Variants in THRB observed in about 807,000 individuals in gnomAD.
THRB encodes thyroid hormone receptor beta.
Under a neutral mutation model 47.8 loss-of-function variants are expected in THRB, and 12 were observed. That is an observed-to-expected ratio of 0.25 (90% CI 0.16 to 0.41). The LOEUF is 0.41. THRB is among the 10% of genes least tolerant of loss of function. THRB has a pLI of 1.00. For synonymous variants in THRB, 218 were observed against 212.2 expected (o/e 1.03, Z -0.24); for missense variants, 348 against 589.2 (o/e 0.59, Z 4.24).
In THRB at chr3:24,367,883, T is replaced by C. The variant is rs143543467; in HGVS notation, c.-260-30512A>G. On this transcript the variant is annotated intron_variant, in intron 1 of 10. Coordinates refer to ENST00000646209, the MANE Select transcript of THRB (RefSeq NM_001354712.2). ...ATTGCCATGGGGACAAATGTTGAAC[T>C]AACATTGTGATGAGAAGCCTAAGCC... 9.3e-3 allele frequency among the ~76,000 whole-genome samples: 1,420 copies of C among 152,232 alleles called. 26 individuals are homozygous for C. The highest frequency in any genetic ancestry group is 0.033 in the African/African-American group (1,354 of 41,534).
intron 5 of THRB, among the ~76,000 whole-genome samples, chr3:24,152,969 AAAAAGAAAG>A (rs200265637): frequency 0.23 from 15,645 of 67,324 alleles, 965 homozygotes; most frequent in Admixed American, 0.38. Flanking sequence ...CCAAAAAAAA[AAAAAGAAAG>A]AAAGAAAGAA....
At chr3:24,290,612 C>G (rs1195091178) in intron 3 of THRB, among the ~76,000 whole-genome samples, 1 of 152,092 alleles carries the variant, frequency 6.6e-6, no homozygotes, top group Non-Finnish European at 1.5e-5. Context: ...ACACGATGCA[C>G]AATCAAGTGG....
chr3:24,350,756 G>T (rs551647499), intron 1 of THRB, among the ~76,000 whole-genome samples: 1 of 152,222 alleles, frequency 6.6e-6, no homozygotes, highest in African/African-American at 2.4e-5. Flanking sequence ...GTGAAAATTT[G>T]TTAAGCTGTA....
At chr3:24,376,454 T>C (rs2065292782) in intron 1 of THRB, among the ~76,000 whole-genome samples, 1 of 152,156 alleles carries the variant, frequency 6.6e-6, no homozygotes, top group South Asian at 2.1e-4. Context: ...AAAAGAACTC[T>C]AGAAACATGT....
At chr3:24,238,304 T>TGTATGTGTGG (rs2049124460) in intron 3 of THRB, among the ~76,000 whole-genome samples, 1 of 111,832 alleles carries the variant, frequency 8.9e-6, no homozygotes, top group Non-Finnish European at 1.8e-5. Flanking sequence ...GTGTGGGGTG[T>TGTATGTGTGG]GTGTGTGATG....
At chr3:24,494,941 G>C (rs1698821409), upstream of THRB, 1 of 152,380 alleles carries the variant, frequency 6.6e-6, no homozygotes, top group African/African-American at 2.4e-5. Flanking sequence ...ACTGGGCGTC[G>C]CGCGAGTCCT....
intron 4 of THRB, among the ~76,000 whole-genome samples, chr3:24,195,233 G>A (rs909386818): frequency 6.6e-6 from 1 of 152,156 alleles, no homozygotes; most frequent in South Asian, 2.1e-4. Flanking sequence ...GCCAGGAACT[G>A]AGCTAGACAC....
At chr3:24,313,291 G>A (rs1271217466) in intron 2 of THRB, among the ~76,000 whole-genome samples, 2 of 152,130 alleles carry the variant, frequency 1.3e-5, no homozygotes, top group Non-Finnish European at 2.9e-5. Flanking sequence ...AGTATGTGCT[G>A]AACTCCTCAA....
At chr3:24,394,738 T>G (rs1215689304) in intron 1 of THRB, among the ~76,000 whole-genome samples, 1 of 152,086 alleles carries the variant, frequency 6.6e-6, no homozygotes, top group Non-Finnish European at 1.5e-5. Context: ...GTAGTTTAAA[T>G]GTATTTGTGT....
intron 3 of THRB, among the ~76,000 whole-genome samples, chr3:24,247,140 T>C (rs1323850952): frequency 2.6e-5 from 4 of 152,232 alleles, no homozygotes; most frequent in African/African-American, 9.6e-5. Context: ...AAAGAGTTTC[T>C]ATTTGTTGTG....
At chr3:24,302,542 C>T (rs2149109048) in intron 2 of THRB, among the ~76,000 whole-genome samples, 1 of 152,330 alleles carries the variant, frequency 6.6e-6, no homozygotes, top group South Asian at 2.1e-4. Context: ...TCTTCCTGAA[C>T]TGGAATGTGC....
intron 1 of THRB, among the ~76,000 whole-genome samples, chr3:24,375,928 T>C (rs1327375110): frequency 1.3e-5 from 2 of 152,116 alleles, no homozygotes; most frequent in African/African-American, 2.4e-5. Flanking sequence ...TACAGAAATA[T>C]AGACAAATTA....
At chr3:24,353,750 A>C (rs1308609249) in intron 1 of THRB, among the ~76,000 whole-genome samples, 1 of 152,176 alleles carries the variant, frequency 6.6e-6, no homozygotes, top group Non-Finnish European at 1.5e-5. Context: ...TTGTATTAAT[A>C]AGCCCCTTAA....
At chr3:24,356,586 C>G (rs1015848295) in intron 1 of THRB, among the ~76,000 whole-genome samples, 7 of 152,110 alleles carry the variant, frequency 4.6e-5, no homozygotes, top group Admixed American at 1.3e-4. Flanking sequence ...GCTAAGACCC[C>G]ACTAGAACTG....
At chr3:24,344,223 A>G (rs1322781365) in intron 1 of THRB, among the ~76,000 whole-genome samples, 2 of 152,064 alleles carry the variant, frequency 1.3e-5, no homozygotes, top group Non-Finnish European at 2.9e-5. Flanking sequence ...CTGAACTCCA[A>G]TCACTGGCAA....
chr3:24,156,719 ATTT>A (rs991123790), intron 5 of THRB, among the ~76,000 whole-genome samples: 3 of 152,072 alleles, frequency 2.0e-5, no homozygotes, highest in Admixed American at 1.3e-4. Flanking sequence ...ATGAGACTGT[ATTT>A]TGTCACCCTT....
At chr3:24,268,525 A>G (rs370756530) in intron 3 of THRB, among the ~76,000 whole-genome samples, 1 of 152,184 alleles carries the variant, frequency 6.6e-6, no homozygotes. Context: ...GGTGAAGAAC[A>G]TTTAACTGAA....
chr3:24,365,891 T>C (rs1001458597), intron 1 of THRB, among the ~76,000 whole-genome samples: 1 of 152,148 alleles, frequency 6.6e-6, no homozygotes, highest in Admixed American at 6.6e-5. Context: ...TTTCAATCTA[T>C]TGTCAAAGCA....
intron 3 of THRB, among the ~76,000 whole-genome samples, chr3:24,286,092 C>A (rs2055258816): frequency 6.6e-6 from 1 of 152,158 alleles, no homozygotes; most frequent in East Asian, 1.9e-4. Flanking sequence ...AGAAGACAAC[C>A]ATATGCAAAC....
Sources: allele counts gnomAD v4.1 joint callset (sites outside exome capture counted in the v4.1 genomes callset), GRCh38; gene constraint gnomAD v4.1.1; transcripts MANE v1.5; gene names NCBI Gene and HGNC (gene_info 2026-07-23, HGNC 2026-07-21).